Variants in GNA14 observed in about 807,000 individuals in gnomAD.
The protein encoded by GNA14 is G protein subunit alpha 14.
In GNA14, 50 loss-of-function variants were observed where a neutral mutation model predicts 42.0. The observed-to-expected ratio is 1.19, with a 90% confidence interval of 0.95 to 1.51. GNA14 has a LOEUF of 1.51. Ranked by LOEUF, GNA14 falls within the 40% of genes most tolerant of loss-of-function variation. The probability of loss-of-function intolerance (pLI) is 0.00; values close to 1 mark genes in which losing one functional copy is unlikely to be tolerated. For missense variants in GNA14, 473 were observed against 446.2 expected (o/e 1.06, Z -0.54); for synonymous variants, 173 against 163.1 (o/e 1.06, Z -0.46).
At chr9:77,476,805 T>C (rs190691477) in intron 2 of GNA14, among the ~76,000 whole-genome samples, 2 of 152,278 alleles carry the variant, frequency 1.3e-5, no homozygotes, top group African/African-American at 2.4e-5. Context: ...CTTGTATCTC[T>C]TGGGGAGAAA....
At chr9:77,594,138 A>G (rs1179083555) in intron 1 of GNA14, among the ~76,000 whole-genome samples, 1 of 152,208 alleles carries the variant, frequency 6.6e-6, no homozygotes, top group African/African-American at 2.4e-5. Flanking sequence ...AATAAATTGA[A>G]AACAGTTACA....
At chr9:77,484,758 TGAA>T (rs1341377597) in intron 2 of GNA14, among the ~76,000 whole-genome samples, 2 of 152,172 alleles carry the variant, frequency 1.3e-5, no homozygotes, top group African/African-American at 4.8e-5. Flanking sequence ...GCCACTGTAA[TGAA>T]GTAAAAATTT....
At chr9:77,566,815 T>C (rs1822975348) in intron 1 of GNA14, among the ~76,000 whole-genome samples, 1 of 145,134 alleles carries the variant, frequency 6.9e-6, no homozygotes, top group East Asian at 1.9e-4. Flanking sequence ...CTGGAATTGT[T>C]AATTTATAAA....
intron 1 of GNA14, among the ~76,000 whole-genome samples, chr9:77,624,391 A>C (rs12335949): frequency 2.6e-5 from 4 of 152,044 alleles, no homozygotes; most frequent in Non-Finnish European, 4.4e-5. Context: ...AGAGGACAGC[A>C]GATCTCCCAG....
At position 77,635,959 on chromosome 9, in the gene GNA14, G is replaced by T. The variant is rs140698761; in HGVS notation, c.124+11711C>A. Among the ~76,000 whole-genome samples the T allele has an allele frequency of 2.6e-5, 4 of 152,146 alleles. No individual in the cohort carries two copies. In the East Asian group the frequency reaches 7.7e-4, roughly 29 times the overall value. On this transcript the variant is annotated intron_variant, in intron 1 of 6. Transcript: ENST00000341700. ...TTTCCATCAGTTGTATTTCATAAAT[G>T]TATCAGTCTTCAATAAAAATACTCT...
At chr9:77,506,271 GA>G (rs368488883) in intron 2 of GNA14, among the ~76,000 whole-genome samples, 255 of 144,268 alleles carry the variant, frequency 1.8e-3, no homozygotes, top group African/African-American at 6.4e-3. Flanking sequence ...AACAGAGTGA[GA>G]CCCTGTCTCT....
intron 1 of GNA14, among the ~76,000 whole-genome samples, chr9:77,622,956 T>C (rs1823952460): frequency 6.7e-6 from 1 of 150,042 alleles, no homozygotes; most frequent in African/African-American, 2.4e-5. Flanking sequence ...GGCTCATGAC[T>C]GTAATCCCAG....
At chr9:77,499,347 C>T in intron 2 of GNA14, among the ~76,000 whole-genome samples, 1 of 151,226 alleles carries the variant, frequency 6.6e-6, no homozygotes. Context: ...AGATTCATCA[C>T]TGTTGGTAAA....
intron 2 of GNA14, among the ~76,000 whole-genome samples, chr9:77,473,365 G>A (rs1263122287): frequency 6.6e-6 from 1 of 152,124 alleles, no homozygotes; most frequent in Non-Finnish European, 1.5e-5. Context: ...GCTAAAGTGG[G>A]AGGATGGTTT....
intron 2 of GNA14, among the ~76,000 whole-genome samples, chr9:77,507,190 T>C (rs1246527656): frequency 1.3e-5 from 2 of 152,208 alleles, no homozygotes; most frequent in African/African-American, 4.8e-5. Flanking sequence ...TCACCATCTC[T>C]TTTAAAAGTC....
intron 2 of GNA14, among the ~76,000 whole-genome samples, chr9:77,446,467 C>T (rs1266026026): frequency 6.6e-6 from 1 of 152,244 alleles, no homozygotes; most frequent in Non-Finnish European, 1.5e-5. Flanking sequence ...TGCTGTGTCT[C>T]TCAGCCTTCC....
chr9:77,529,893 C>G (rs889659347), intron 1 of GNA14, among the ~76,000 whole-genome samples: 4 of 152,152 alleles, frequency 2.6e-5, no homozygotes, highest in Non-Finnish European at 5.9e-5. Context: ...GACATCAAAA[C>G]TCTACATTCA....
chr9:77,572,552 T>C (rs922917375), intron 1 of GNA14, among the ~76,000 whole-genome samples: 1 of 152,366 alleles, frequency 6.6e-6, no homozygotes, highest in African/African-American at 2.4e-5. Context: ...AACTGATCTG[T>C]GACCTGTGAT....
At chr9:77,559,393 G>A (rs1050014635) in intron 1 of GNA14, among the ~76,000 whole-genome samples, 6 of 152,258 alleles carry the variant, frequency 3.9e-5, no homozygotes, top group Admixed American at 3.9e-4. Context: ...AAAGGACTGG[G>A]GGAGCTGAAG....
At chr9:77,633,090 A>T (rs1220414045) in intron 1 of GNA14, among the ~76,000 whole-genome samples, 1 of 152,200 alleles carries the variant, frequency 6.6e-6, no homozygotes, top group Admixed American at 6.5e-5. Context: ...ATGTTACAAT[A>T]GTCTCTACAC....
In GNA14 at chr9:77,520,461, C is replaced by T. The variant is rs1461492322; in HGVS notation, c.309+8608G>A. Among the ~76,000 whole-genome samples, 33 of 152,192 alleles carry T rather than the reference C, an allele frequency of 2.2e-4. 1 individual carries two copies. The highest frequency in any genetic ancestry group is 1.5e-3 in the Admixed American group (23 of 15,280). ...TCGGATCTAACGAGCATGTTCCTAG[C>T]ATCACTGATAATGATTCTAACATTC... On this transcript the variant is annotated intron_variant, in intron 2 of 6. Coordinates refer to ENST00000341700, the MANE Select transcript of GNA14 (RefSeq NM_004297.4).
At chr9:77,523,131 C>A (rs756038431) in intron 2 of GNA14, among the ~76,000 whole-genome samples, 2 of 152,190 alleles carry the variant, frequency 1.3e-5, no homozygotes, top group Non-Finnish European at 2.9e-5. Flanking sequence ...AGTGGAATGG[C>A]AGGCAAAATA....
intron 1 of GNA14, among the ~76,000 whole-genome samples, chr9:77,625,080 A>G: frequency 6.6e-6 from 1 of 152,034 alleles, no homozygotes; most frequent in Admixed American, 6.6e-5. Flanking sequence ...ATGGAGCTGA[A>G]GAACACAGAA....
At chr9:77,474,399 C>A (rs62571531) in intron 2 of GNA14, among the ~76,000 whole-genome samples, 93,981 of 151,966 alleles carry the variant, frequency 0.62, 30,664 homozygotes, top group African/African-American at 0.83. Flanking sequence ...ACTTGTTATC[C>A]ATGACAAGCC....
Sources: gnomAD v4.1 joint callset for allele counts (sites outside exome capture counted in the v4.1 genomes callset) on GRCh38, gnomAD v4.1.1 for gene constraint, MANE v1.5 for transcripts, NCBI Gene and HGNC (gene_info 2026-07-23, HGNC 2026-07-21) for gene names.